SLC22A15: variants seen among roughly 807,000 people sequenced by gnomAD.
SLC22A15 encodes solute carrier family 22 member 15.
SLC22A15 carries 45 observed loss-of-function variants against 62.7 expected under a neutral mutation model. The observed-to-expected ratio is 0.72, with a 90% CI of 0.56 to 0.92. The LOEUF (loss-of-function observed/expected upper bound fraction) is 0.92. Ranked by LOEUF, SLC22A15 falls within the 40% of genes least tolerant of loss-of-function variation. The pLI, the probability that SLC22A15 is intolerant of heterozygous loss-of-function variation, is 0.00. For synonymous variants in SLC22A15, 264 were observed against 267.0 expected (o/e 0.99, Z 0.11); for missense variants, 622 against 665.6 (o/e 0.93, Z 0.72).
At chr1:116,052,856 AG>A (rs1658100623) in intron 8 of SLC22A15, among the ~76,000 whole-genome samples, 1 of 152,144 alleles carries the variant, frequency 6.6e-6, no homozygotes, top group Non-Finnish European at 1.5e-5. Context: ...CCTGTCTGTT[AG>A]AAGGAAAACT....
chr1:116,058,919 C>T (rs554526137), intron 8 of SLC22A15, among the ~76,000 whole-genome samples: 18 of 152,146 alleles, frequency 1.2e-4, no homozygotes, highest in African/African-American at 2.9e-4. Context: ...GCTATGAGGA[C>T]GCAAAAGCAT....
chr1:115,984,692 T>C (rs1469526636), intron 1 of SLC22A15, among the ~76,000 whole-genome samples: 2 of 152,108 alleles, frequency 1.3e-5, no homozygotes, highest in African/African-American at 4.8e-5. Flanking sequence ...CATGGTGTGA[T>C]AGGAGATGAG....
intron 8 of SLC22A15, among the ~76,000 whole-genome samples, chr1:116,056,427 C>A (rs544920901): frequency 0.024 from 3,578 of 149,880 alleles, 148 homozygotes; most frequent in African/African-American, 0.084. Flanking sequence ...AATGGAAGAA[C>A]ATTCCATGCT....
intron 6 of SLC22A15, 192 bp downstream of exon 6, chr1:116,031,773 C>G: frequency 7.0e-7 from 1 of 1,424,060 alleles, no homozygotes. Context: ...TCTCAAGTAG[C>G]AGATGATAGT....
At chr1:116,024,321 T>G (rs1656986819) in intron 4 of SLC22A15, among the ~76,000 whole-genome samples, 1 of 152,206 alleles carries the variant, frequency 6.6e-6, no homozygotes, top group Admixed American at 6.5e-5. Flanking sequence ...GATGGATTAC[T>G]GGTACCGTTT....
At chr1:116,023,892 G>A (rs1656962666) in intron 4 of SLC22A15, among the ~76,000 whole-genome samples, 1 of 152,200 alleles carries the variant, frequency 6.6e-6, no homozygotes, top group Non-Finnish European at 1.5e-5. Context: ...AGGCCTTGAA[G>A]CAGGAAGGAA....
At chr1:116,009,949 C>T (rs1775703) in intron 2 of SLC22A15, among the ~76,000 whole-genome samples, 58,287 of 152,020 alleles carry the variant, frequency 0.38, 11,715 homozygotes, top group African/African-American at 0.51. Flanking sequence ...ACATTTTTAA[C>T]GTCTACCCTG....
chr1:116,050,469 A>C (rs759570396), intron 8 of SLC22A15, among the ~76,000 whole-genome samples: 23 of 152,218 alleles, frequency 1.5e-4, no homozygotes, highest in Non-Finnish European at 3.2e-4. Context: ...ACACCATATA[A>C]ACAGAATTAA....
In SLC22A15 at chr1:116,062,781, GGTGAACAGCCATTCCTT is replaced by G; in HGVS notation, c.1194_1210del (p.Asn399LeufsTer12). The G allele has an allele frequency of 6.2e-7, 1 of 1,613,868 alleles. No individual in the cohort carries two copies. Among genetic ancestry groups the G allele is most frequent in the Non-Finnish European group, 8.5e-7 (1 of 1,179,802 alleles). ...CCTCAGACACAGGTGTGTTTGCAGT[GGTGAACAGCCATTCCTT>G]GTCCTTGCTGGGGAAGCTGACCATC... On this transcript the variant is annotated frameshift_variant, in exon 9 of 12. Coordinates refer to ENST00000369503, the MANE Select transcript of SLC22A15 (RefSeq NM_018420.3). LOFTEE classifies it high-confidence loss of function.
chr1:115,994,582 G>A (rs566704803), intron 2 of SLC22A15, among the ~76,000 whole-genome samples: 6 of 152,218 alleles, frequency 3.9e-5, no homozygotes, highest in Non-Finnish European at 8.8e-5. Flanking sequence ...AAGAAATTGC[G>A]AGAATAGTAC....
At chr1:115,985,932 C>T (rs1043008709) in intron 1 of SLC22A15, among the ~76,000 whole-genome samples, 9 of 116,438 alleles carry the variant, frequency 7.7e-5, no homozygotes, top group East Asian at 2.4e-4. Context: ...CGTGACAGAG[C>T]GAGACTCCAT....
chr1:116,002,806 C>G (rs777383788), intron 2 of SLC22A15, among the ~76,000 whole-genome samples: 11 of 152,208 alleles, frequency 7.2e-5, no homozygotes, highest in Middle Eastern at 6.8e-3. Context: ...GGCCTGTAAT[C>G]AGGGACTTTA....
At chr1:116,022,521 G>C (rs1656891154) in intron 4 of SLC22A15, among the ~76,000 whole-genome samples, 1 of 152,080 alleles carries the variant, frequency 6.6e-6, no homozygotes, top group African/African-American at 2.4e-5. Context: ...TTTGATTTTA[G>C]TCGTTGCATG....
In SLC22A15 at chr1:115,976,733, G is replaced by C. The variant is rs890869131; in HGVS notation, c.87+19G>C. On this transcript the variant is annotated intron_variant, in intron 1 of 11. Transcript: ENST00000369503. Reference sequence around the variant, plus strand: ...GCTGCAGGTAAGTCCCCGCGGCCCCGCAGCCGCATTTCCCTCTTCAGGGCC... The same window carrying C: ...GCTGCAGGTAAGTCCCCGCGGCCCCCCAGCCGCATTTCCCTCTTCAGGGCC... 1 of 1,566,068 alleles carries C rather than the reference G, an allele frequency of 6.4e-7. No individual in the cohort carries two copies. Among genetic ancestry groups the C allele is most frequent in the African/African-American group, 1.4e-5 (1 of 71,362 alleles).
intron 2 of SLC22A15, chr1:116,017,656 G>C (rs1656607474): frequency 6.6e-6 from 1 of 152,262 alleles, no homozygotes; most frequent in South Asian, 2.1e-4. Flanking sequence ...GATGTACTTT[G>C]AGCCATGATG....
chr1:116,020,146 C>T (rs1181988513), intron 3 of SLC22A15, among the ~76,000 whole-genome samples: 1 of 151,518 alleles, frequency 6.6e-6, no homozygotes, highest in African/African-American at 2.4e-5. Context: ...CATTTTCCAG[C>T]ATTATTGTGA....
At chr1:116,009,114 T>TC (rs1189723528) in intron 2 of SLC22A15, among the ~76,000 whole-genome samples, 1 of 152,200 alleles carries the variant, frequency 6.6e-6, no homozygotes, top group Non-Finnish European at 1.5e-5. Flanking sequence ...AGCAGTTCAC[T>TC]GTATTCTCAG....
At position 115,993,821 on chromosome 1, in the gene SLC22A15, C is replaced by T. The variant is rs1038128610; in HGVS notation, c.300+1578C>T. On this transcript the variant is annotated intron_variant, in intron 2 of 11. Coordinates refer to ENST00000369503, the MANE Select transcript of SLC22A15 (RefSeq NM_018420.3). ...GCTTGGTCCAGGTGTACTTTTCCAG[C>T]CCCACTCTGCACTTTACCCTGCTCT... 4.6e-5 allele frequency among the ~76,000 whole-genome samples: 7 copies of T among 152,234 alleles called. No homozygotes were observed. In the East Asian group the frequency reaches 5.8e-4, roughly 13 times the overall value.
chr1:116,000,951 A>G (rs1306215326), intron 2 of SLC22A15, among the ~76,000 whole-genome samples: 1 of 151,826 alleles, frequency 6.6e-6, no homozygotes, highest in Non-Finnish European at 1.5e-5. Context: ...GTAATTTCTT[A>G]TTGCTCATTA....
Sources: gnomAD v4.1 joint callset for allele counts (sites outside exome capture counted in the v4.1 genomes callset) on GRCh38, gnomAD v4.1.1 for gene constraint, MANE v1.5 for transcripts, NCBI Gene and HGNC (gene_info 2026-07-23, HGNC 2026-07-21) for gene names.